RRP1: variants seen among roughly 807,000 people sequenced by gnomAD.
RRP1 encodes the protein ribosomal RNA processing protein 1 homolog A.
In RRP1, 37 loss-of-function variants were observed where a neutral mutation model predicts 54.6. The ratio of observed to expected loss-of-function variants is 0.68; its 90% CI spans 0.52 to 0.89. The LOEUF (loss-of-function observed/expected upper bound fraction) is 0.89, where lower values mean the gene tolerates loss of function less well. RRP1 is among the 40% of genes least tolerant of loss of function. RRP1 has a pLI of 0.00. For synonymous variants in RRP1, 262 were observed against 244.3 expected, an observed-to-expected ratio of 1.07 and a Z score of -0.67; for missense variants, 639 against 612.5, an observed-to-expected ratio of 1.04 and a Z score of -0.46.
chr21:43,790,077 G>A (rs949928379), intron 1 of RRP1, among the ~76,000 whole-genome samples: 2 of 152,240 alleles, frequency 1.3e-5, no homozygotes, highest in African/African-American at 4.8e-5. Context: ...TGGGCACCCA[G>A]TATTTTTCCC....
intron 2 of RRP1, among the ~76,000 whole-genome samples, chr21:43,792,113 G>A (rs1369813503): frequency 1.3e-5 from 2 of 152,202 alleles, no homozygotes; most frequent in African/African-American, 2.4e-5. Context: ...TGAATTTTGT[G>A]CTCTCCTTCA....
At chr21:43,793,761 G>A (rs549173603) in intron 4 of RRP1, among the ~76,000 whole-genome samples, 25 of 152,332 alleles carry the variant, frequency 1.6e-4, no homozygotes, top group African/African-American at 4.1e-4. Context: ...CTGCGGTCAC[G>A]CCCTAGCATG....
chr21:43,802,197 G>T lies in RRP1; in HGVS notation c.1010-77G>T. On this transcript the variant is annotated intron_variant, in intron 11 of 12. Coordinates refer to ENST00000497547, the MANE Select transcript of RRP1 (RefSeq NM_003683.6). ...TTGTCAGGAGGTGGTGCTGGCTGGG[G>T]CCTGCTGGAAGCAGCGAGCCTCAAA... 8.8e-6 allele frequency: 9 copies of T among 1,017,580 alleles called. No homozygotes were observed. In the South Asian group the frequency reaches 9.1e-5, roughly 10 times the overall value. The allele number at this position is 1,017,580 out of a possible 1,614,324, so 63.0% of individuals were successfully genotyped here.
At position 43,798,075 on chromosome 21, in the gene RRP1, G is replaced by T. The variant is rs1402925216; in HGVS notation, c.786G>T (p.Gln262His). ...EGGERGDALS[Q>H]KRSEKPPAGS... ...GTGAGCGTGGAGACGCGCTGTCCCA[G>T]AAGAGGTCTGAGAAGCCGCCCGCAG... Residue 262 changes from glutamine to histidine, a missense_variant, in exon 8 of 13, where the codon CAG (glutamine) becomes CAT (histidine). Gln to His is a conservative substitution (Grantham distance 24). Coordinates refer to ENST00000497547, the MANE Select transcript of RRP1 (RefSeq NM_003683.6). 6.2e-7 allele frequency: 1 copy of T among 1,613,630 alleles called. No homozygotes were observed. Among genetic ancestry groups the T allele is most frequent in the Admixed American group, 1.7e-5 (1 of 59,952 alleles).
At position 43,803,960 on chromosome 21, in the gene RRP1, T is replaced by A. The variant is rs930697836; in HGVS notation, c.*186T>A. 2 of 696,616 alleles carry A rather than the reference T, an allele frequency of 2.9e-6. No homozygotes were observed. Among genetic ancestry groups the A allele is most frequent in the Admixed American group, 3.5e-5 (1 of 28,632 alleles). The allele number at this position is 696,616 out of a possible 1,614,324, so 43.2% of individuals were successfully genotyped here. On this transcript the variant is annotated 3_prime_UTR_variant, in exon 13 of 13. Coordinates refer to ENST00000497547, the MANE Select transcript of RRP1 (RefSeq NM_003683.6). ...GGCCAGCATCCCAGGAACTGGACCT[T>A]TCCCCAGAGCCTCCGCCTGTGGCTG...
intron 5 of RRP1, among the ~76,000 whole-genome samples, chr21:43,796,075 T>G (rs1168285763): frequency 6.6e-6 from 1 of 151,812 alleles, no homozygotes; most frequent in East Asian, 1.9e-4. Flanking sequence ...GAGGCTGCAG[T>G]GATCTGTGAC....
At position 43,799,628 on chromosome 21, in the gene RRP1, C is replaced by T; in HGVS notation, c.870C>T (p.Asp290=). 1.9e-6 allele frequency: 3 copies of T among 1,611,616 alleles called. No homozygotes were observed. The highest frequency in any genetic ancestry group is 2.2e-5 in the East Asian group (1 of 44,828). ...AGEEQAGDDR[D]SGGPVLQFDY... ...AGGAGCAGGCAGGTGACGACAGGGA[C>T]AGTGGCGGCCCCGTTCTCCAGGTGG... The change falls in exon 9 of 13, where the codon GAC becomes GAT. Residue 290 remains aspartate, a synonymous_variant. Transcript: ENST00000497547.
At chr21:43,793,907 G>A (rs2084987080) in intron 4 of RRP1, among the ~76,000 whole-genome samples, 2 of 152,292 alleles carry the variant, frequency 1.3e-5, no homozygotes, top group Middle Eastern at 6.8e-3. Context: ...GGGTTTAGAG[G>A]TGCAGCGTGT....
At chr21:43,797,371 G>T (rs1267851217) in intron 5 of RRP1, 51 bp from the exon 6 acceptor site, 1 of 1,574,320 alleles carries the variant, frequency 6.4e-7, no homozygotes, top group Admixed American at 1.7e-5. Context: ...GGGCACGGCT[G>T]TCTTGGGGCT....
rs1023804757 is a variant in RRP1, at chr21:43,802,235, A to G, written c.1010-39A>G. ...AGCGAGCCTCAAACCATAAGTCCCCAGCCCCCGAGAGCCCCCTGACTTCTG... is the reference window on the plus strand; with the variant it reads ...AGCGAGCCTCAAACCATAAGTCCCCGGCCCCCGAGAGCCCCCTGACTTCTG... On this transcript the variant is annotated intron_variant, in intron 11 of 12. Transcript: ENST00000497547. 2.1e-5 allele frequency: 31 copies of G among 1,483,086 alleles called. No homozygotes were observed. The East Asian group carries it at 5.7e-4, about 27-fold the overall frequency. The allele number at this position is 1,483,086 out of a possible 1,614,324, so 91.9% of individuals were successfully genotyped here.
At chr21:43,798,418 C>T (rs959350089) in intron 8 of RRP1, among the ~76,000 whole-genome samples, 5 of 152,160 alleles carry the variant, frequency 3.3e-5, no homozygotes, top group Non-Finnish European at 5.9e-5. Context: ...TCCCTCCCAC[C>T]GTCTCTCCCC....
At chr21:43,800,401 CG>C in intron 9 of RRP1, 115 bp from the exon 10 acceptor site, 1 of 863,368 alleles carries the variant, frequency 1.2e-6, no homozygotes, top group South Asian at 1.5e-5. Context: ...TCCTGTGAGC[CG>C]GGTGGAGAAC....
At chr21:43,799,207 T>C (rs904264293) in intron 8 of RRP1, among the ~76,000 whole-genome samples, 1 of 152,110 alleles carries the variant, frequency 6.6e-6, no homozygotes, top group Admixed American at 6.6e-5. Flanking sequence ...GCTCCTCACT[T>C]CCAGAACTTT....
At position 43,803,510 on chromosome 21, in the gene RRP1, A is replaced by G. The variant is rs2085113872; in HGVS notation, c.1124-2A>G. On this transcript the variant is annotated splice_acceptor_variant, in intron 12 of 12. Coordinates refer to ENST00000497547, the MANE Select transcript of RRP1 (RefSeq NM_003683.6). LOFTEE classifies it high-confidence loss of function. ...GCTCATGGGGTCTTGCTGTTTTGTCAGGGAAAGGTGAGAAGGAGCCCCCGA... is the reference window on the plus strand; with the variant it reads ...GCTCATGGGGTCTTGCTGTTTTGTCGGGGAAAGGTGAGAAGGAGCCCCCGA... 1.3e-6 allele frequency: 2 copies of G among 1,545,916 alleles called. No individual in the cohort carries two copies. The highest frequency in any genetic ancestry group is 1.4e-5 in the African/African-American group (1 of 73,346).
intron 2 of RRP1, among the ~76,000 whole-genome samples, chr21:43,792,160 A>C (rs2084966841): frequency 6.6e-6 from 1 of 152,184 alleles, no homozygotes; most frequent in African/African-American, 2.4e-5. Context: ...AGTTAAGTTC[A>C]GGTTCCTGGG....
At chr21:43,795,458 G>GT (rs1288096057) in intron 5 of RRP1, among the ~76,000 whole-genome samples, 1 of 152,224 alleles carries the variant, frequency 6.6e-6, no homozygotes, top group Admixed American at 6.5e-5. Context: ...TTGGAGGCCA[G>GT]TTCTCACTGG....
At chr21:43,801,521 A>G (rs1569018081) in intron 11 of RRP1, among the ~76,000 whole-genome samples, 1 of 152,036 alleles carries the variant, frequency 6.6e-6, no homozygotes, top group African/African-American at 2.4e-5. Flanking sequence ...GTTGCCCAGG[A>G]TGGCGTGCAG....
chr21:43,795,637 C>T (rs2085011379), intron 5 of RRP1, among the ~76,000 whole-genome samples: 2 of 152,188 alleles, frequency 1.3e-5, no homozygotes, highest in Non-Finnish European at 2.9e-5. Context: ...CAGCCTTGAC[C>T]TCCCGGGCTC....
rs1315925827 is a variant in RRP1 at position 43,803,664 on chromosome 21, G to A, written c.1276G>A (p.Gly426Ser). The change falls in exon 13 of 13, where the codon GGC becomes AGC. Residue 426 changes from glycine to serine, a missense_variant. Transcript: ENST00000497547. ...ALLRDQPRGR[G>S]QRGARQRRRT... is the part of the protein sequence containing the mutation. ...GCTCCGAGATCAGCCCAGGGGCCGT[G>A]GCCAGAGAGGGGCTCGCCAGAGAAG... 1.9e-6 allele frequency: 3 copies of A among 1,551,682 alleles called. No individual in the cohort carries two copies. In the Admixed American group the frequency reaches 5.9e-5, roughly 30 times the overall value.
Sources: allele counts gnomAD v4.1 joint callset (sites outside exome capture counted in the v4.1 genomes callset), GRCh38; gene constraint gnomAD v4.1.1; transcripts MANE v1.5; gene names NCBI Gene and HGNC (gene_info 2026-07-23, HGNC 2026-07-21).